Variants in SHC3 observed in about 807,000 individuals in gnomAD.
The protein encoded by SHC3 is SHC adaptor protein 3.
Under a neutral mutation model 60.4 loss-of-function variants are expected in SHC3, and 15 were observed. That is an observed-to-expected ratio of 0.25 (90% CI 0.17 to 0.38). The LOEUF is 0.38. Among genes scored for constraint, SHC3 ranks in the 10% least tolerant of loss-of-function variants. SHC3 has a pLI of 1.00. For missense variants in SHC3, 677 were observed against 786.1 expected, an observed-to-expected ratio of 0.86 and a Z score of 1.66; for synonymous variants, 294 against 325.9, an observed-to-expected ratio of 0.90 and a Z score of 1.05.
At chr9:89,107,398 A>G (rs1825878879) in intron 2 of SHC3, among the ~76,000 whole-genome samples, 1 of 152,186 alleles carries the variant, frequency 6.6e-6, no homozygotes, top group African/African-American at 2.4e-5. Flanking sequence ...TTTTGCACAC[A>G]AATGCCCATG....
chr9:89,117,723 C>T (rs537920890), intron 1 of SHC3, among the ~76,000 whole-genome samples: 74 of 152,220 alleles, frequency 4.9e-4, no homozygotes, highest in Middle Eastern at 6.8e-3. Flanking sequence ...TAAGTTCTTA[C>T]TAATATTCTC....
At chr9:89,133,989 T>G (rs1826286081) in intron 1 of SHC3, among the ~76,000 whole-genome samples, 1 of 152,152 alleles carries the variant, frequency 6.6e-6, no homozygotes, top group Non-Finnish European at 1.5e-5. Flanking sequence ...GCCATGCCCC[T>G]TAGCCATGCT....
At chr9:89,014,393 C>A (rs1159484936) in intron 11 of SHC3, among the ~76,000 whole-genome samples, 2 of 152,098 alleles carry the variant, frequency 1.3e-5, no homozygotes, top group South Asian at 4.2e-4. Context: ...AGCAATTTTT[C>A]GAGGAGGTCT....
chr9:89,172,560 C>T (rs78877842), intron 1 of SHC3, among the ~76,000 whole-genome samples: 1 of 123,160 alleles, frequency 8.1e-6, no homozygotes, highest in East Asian at 1.9e-4. Flanking sequence ...CAGACACACA[C>T]AGACACACAC....
chr9:89,081,546 C>T (rs1825444670), intron 2 of SHC3, among the ~76,000 whole-genome samples: 1 of 151,768 alleles, frequency 6.6e-6, no homozygotes, highest in Non-Finnish European at 1.5e-5. Flanking sequence ...CCTGCTTATC[C>T]CCTCTTCTGG....
chr9:89,021,971 C>A (rs572182345), intron 11 of SHC3, among the ~76,000 whole-genome samples: 2 of 152,278 alleles, frequency 1.3e-5, no homozygotes, highest in Non-Finnish European at 2.9e-5. Context: ...TTGTAAGTCA[C>A]ACGACTTGCC....
At position 89,075,223 on chromosome 9, in the gene SHC3, T is replaced by C. The variant is rs1825338298; in HGVS notation, c.615A>G (p.Pro205=). 6.2e-7 allele frequency: 1 copy of C among 1,613,712 alleles called. No individual in the cohort carries two copies. Among genetic ancestry groups the C allele is most frequent in the South Asian group, 1.1e-5 (1 of 91,022 alleles). ...AKGAFKKRKP[P]SKMLSSILGK... Reference sequence around the variant, plus strand: ...CCAAGATGCTGGACAGCATTTTGCTTGGAGGCTGTGAAATTAAAGAGCATT... The same window carrying C: ...CCAAGATGCTGGACAGCATTTTGCTCGGAGGCTGTGAAATTAAAGAGCATT... Residue 205 remains proline, a synonymous_variant, in exon 4 of 12, where the codon CCA becomes CCG. Coordinates refer to ENST00000375835, the MANE Select transcript of SHC3 (RefSeq NM_016848.6).
intron 1 of SHC3, 137 bp downstream of exon 1, chr9:89,177,850 A>G (rs1826964692): frequency 9.1e-7 from 1 of 1,098,290 alleles, no homozygotes; most frequent in Non-Finnish European, 1.1e-6. Flanking sequence ...GCTGATTGCT[A>G]AGGAGTGCGC....
Position 89,047,536 on chromosome 9 carries a change from G to A in SHC3, c.963-542C>T, listed in dbSNP as rs139862985. Among the ~76,000 whole-genome samples, 960 of 152,204 alleles carry A rather than the reference G, an allele frequency of 6.3e-3. 9 individuals carry two copies. Among genetic ancestry groups the A allele is most frequent in the African/African-American group, 0.021 (866 of 41,518 alleles). On this transcript the variant is annotated intron_variant, in intron 7 of 11. Coordinates refer to ENST00000375835, the MANE Select transcript of SHC3 (RefSeq NM_016848.6). ...TGTATCTAGAATATATAAAGTACTC[G>A]TACGACTCAACAATGAAAAGACAAC...
chr9:89,103,612 A>G (rs1235206345), intron 2 of SHC3, among the ~76,000 whole-genome samples: 2 of 152,214 alleles, frequency 1.3e-5, no homozygotes, highest in Admixed American at 1.3e-4. Flanking sequence ...AAGCAATGAG[A>G]TTATCAATAC....
At chr9:89,104,371 T>G (rs766704435) in intron 2 of SHC3, among the ~76,000 whole-genome samples, 3 of 152,210 alleles carry the variant, frequency 2.0e-5, no homozygotes, top group Non-Finnish European at 2.9e-5. Flanking sequence ...ATCACAAAAC[T>G]CTGTGGGGTC....
chr9:89,113,060 T>A (rs1825972931), intron 1 of SHC3, among the ~76,000 whole-genome samples: 1 of 151,696 alleles, frequency 6.6e-6, no homozygotes, highest in Admixed American at 6.5e-5. Context: ...AGAGAAAGAA[T>A]GAAAACATGA....
At chr9:89,161,447 T>C (rs535514733) in intron 1 of SHC3, among the ~76,000 whole-genome samples, 3 of 152,330 alleles carry the variant, frequency 2.0e-5, no homozygotes, top group African/African-American at 7.2e-5. Flanking sequence ...GTTAAACCTC[T>C]TTTGTTTATA....
chr9:89,106,950 C>T (rs1236347594), intron 2 of SHC3, among the ~76,000 whole-genome samples: 2 of 152,132 alleles, frequency 1.3e-5, no homozygotes, highest in African/African-American at 2.4e-5. Context: ...GCCCCAATCC[C>T]TGTTTCAGGG....
chr9:89,088,187 C>G (rs1245303515), intron 2 of SHC3, among the ~76,000 whole-genome samples: 1 of 152,180 alleles, frequency 6.6e-6, no homozygotes, highest in Non-Finnish European at 1.5e-5. Flanking sequence ...TTCCACAACC[C>G]CTTATCTTAA....
At chr9:89,085,468 A>T (rs1825513958) in intron 2 of SHC3, among the ~76,000 whole-genome samples, 1 of 152,242 alleles carries the variant, frequency 6.6e-6, no homozygotes, top group Non-Finnish European at 1.5e-5. Context: ...TCCCTGAGGC[A>T]GTGAAGAAAT....
intron 1 of SHC3, among the ~76,000 whole-genome samples, chr9:89,121,476 G>C (rs902354111): frequency 1.3e-5 from 2 of 152,286 alleles, no homozygotes; most frequent in Middle Eastern, 3.4e-3. Flanking sequence ...TTTTAGTAGA[G>C]ATGGGGTTTC....
chr9:89,130,111 C>T (rs1826222621), intron 1 of SHC3, among the ~76,000 whole-genome samples: 1 of 152,130 alleles, frequency 6.6e-6, no homozygotes, highest in African/African-American at 2.4e-5. Context: ...GCAGGGCTTG[C>T]AATCCTAGTC....
intron 1 of SHC3, among the ~76,000 whole-genome samples, chr9:89,168,340 C>T (rs1278155169): frequency 2.0e-5 from 3 of 151,982 alleles, no homozygotes; most frequent in Admixed American, 2.0e-4. Context: ...TGATGCATGC[C>T]GGTAATCCCA....
Sources: gnomAD v4.1 joint callset for allele counts (sites outside exome capture counted in the v4.1 genomes callset) on GRCh38, gnomAD v4.1.1 for gene constraint, MANE v1.5 for transcripts, NCBI Gene and HGNC (gene_info 2026-07-23, HGNC 2026-07-21) for gene names.